Variants in MCTP1 observed in about 807,000 individuals in gnomAD.
The protein encoded by MCTP1 is multiple C2 and transmembrane domain-containing protein 1.
Under a neutral mutation model 120.6 loss-of-function variants are expected in MCTP1, and 69 were observed. The observed-to-expected ratio is 0.57, with a 90% CI of 0.47 to 0.70. The LOEUF is 0.70. MCTP1 is among the 30% of genes least tolerant of loss of function. The pLI, the probability that MCTP1 is intolerant of heterozygous loss-of-function variation, is 0.00. For synonymous variants in MCTP1, 529 were observed against 493.1 expected, an observed-to-expected ratio of 1.07 and a Z score of -0.96; for missense variants, 1,203 against 1,248.8, an observed-to-expected ratio of 0.96 and a Z score of 0.55.
intron 6 of MCTP1, among the ~76,000 whole-genome samples, chr5:94,928,901 C>T (rs945497112): frequency 6.6e-6 from 1 of 152,058 alleles, no homozygotes; most frequent in Non-Finnish European, 1.5e-5. Context: ...CTCAAGCTGG[C>T]GATTCTTCTT....
chr5:95,274,387 G>A (rs1486848893), intron 1 of MCTP1, among the ~76,000 whole-genome samples: 1 of 152,084 alleles, frequency 6.6e-6, no homozygotes, highest in East Asian at 1.9e-4. Context: ...ATCTGCAATG[G>A]AAAAGGGGTG....
chr5:95,028,783 C>G (rs1392084257), intron 1 of MCTP1, among the ~76,000 whole-genome samples: 1 of 152,142 alleles, frequency 6.6e-6, no homozygotes, highest in African/African-American at 2.4e-5. Flanking sequence ...TTAACTTCAG[C>G]CAAAAATACT....
At chr5:94,875,068 C>T (rs1273153293) in intron 12 of MCTP1, among the ~76,000 whole-genome samples, 1 of 152,038 alleles carries the variant, frequency 6.6e-6, no homozygotes, top group Non-Finnish European at 1.5e-5. Flanking sequence ...AAATCCCTGA[C>T]TTCATGGAGT....
At chr5:94,784,449 T>A (rs1379624805) in intron 18 of MCTP1, among the ~76,000 whole-genome samples, 3 of 152,074 alleles carry the variant, frequency 2.0e-5, no homozygotes, top group Admixed American at 6.5e-5. Flanking sequence ...TGTGGTAAGA[T>A]CTTTATAGGT....
chr5:95,127,205 T>G (rs77735921), intron 1 of MCTP1, among the ~76,000 whole-genome samples: 2 of 151,906 alleles, frequency 1.3e-5, no homozygotes, highest in African/African-American at 4.8e-5. Context: ...GCATTAGATC[T>G]AAAAAGTGGT....
At chr5:94,778,374 C>T (rs1775879514) in intron 19 of MCTP1, among the ~76,000 whole-genome samples, 1 of 152,080 alleles carries the variant, frequency 6.6e-6, no homozygotes, top group African/African-American at 2.4e-5. Context: ...AACAGCATCA[C>T]TATCCTCCTT....
At chr5:94,949,124 A>G (rs951572359) in intron 3 of MCTP1, among the ~76,000 whole-genome samples, 4 of 152,158 alleles carry the variant, frequency 2.6e-5, no homozygotes, top group Non-Finnish European at 4.4e-5. Flanking sequence ...CCAATCTCCA[A>G]TTCATGATTA....
chr5:94,813,048 C>A (rs1453772510), intron 17 of MCTP1, among the ~76,000 whole-genome samples: 3 of 152,024 alleles, frequency 2.0e-5, no homozygotes, highest in Admixed American at 2.0e-4. Context: ...AGATAAGCCA[C>A]ACATCGAGAG....
chr5:95,028,471 TA>T, intron 1 of MCTP1, among the ~76,000 whole-genome samples: 1 of 152,106 alleles, frequency 6.6e-6, no homozygotes, highest in Non-Finnish European at 1.5e-5. Flanking sequence ...TATTGCTGTT[TA>T]AAAAAGTATG....
intron 19 of MCTP1, among the ~76,000 whole-genome samples, chr5:94,767,939 T>G (rs2216601): frequency 0.044 from 6,749 of 152,216 alleles, 166 homozygotes; most frequent in Middle Eastern, 0.058. Flanking sequence ...AAGACCCTAA[T>G]AGCCAAAGCA....
chr5:94,891,121 G>A (rs1024446226), intron 11 of MCTP1, among the ~76,000 whole-genome samples: 7 of 151,644 alleles, frequency 4.6e-5, no homozygotes, highest in Non-Finnish European at 7.4e-5. Context: ...GAGGAAATGC[G>A]GATACATGAG....
At chr5:95,045,165 T>C (rs1842961507) in intron 1 of MCTP1, among the ~76,000 whole-genome samples, 1 of 152,154 alleles carries the variant, frequency 6.6e-6, no homozygotes, top group African/African-American at 2.4e-5. Context: ...TTTATACTTT[T>C]ATCTGGAAGC....
intron 1 of MCTP1, among the ~76,000 whole-genome samples, chr5:95,212,079 T>C (rs375094742): frequency 3.3e-5 from 5 of 151,512 alleles, no homozygotes; most frequent in Admixed American, 2.6e-4. Context: ...AATCCAGGAG[T>C]TGGTTTTTTG....
At chr5:94,820,509 T>C (rs1391126183) in intron 17 of MCTP1, among the ~76,000 whole-genome samples, 2 of 152,220 alleles carry the variant, frequency 1.3e-5, no homozygotes, top group East Asian at 3.8e-4. Context: ...TTTTGAGGTT[T>C]GTGAGAAAAA....
intron 17 of MCTP1, among the ~76,000 whole-genome samples, chr5:94,829,409 A>T (rs905340553): frequency 2.6e-5 from 4 of 152,228 alleles, no homozygotes; most frequent in African/African-American, 9.6e-5. Context: ...AGCTGTTCCT[A>T]TTCGGCCATC....
intron 11 of MCTP1, among the ~76,000 whole-genome samples, chr5:94,891,991 C>T (rs1275064227): frequency 1.3e-5 from 2 of 151,906 alleles, no homozygotes; most frequent in Non-Finnish European, 2.9e-5. Context: ...GGAGAGGAGT[C>T]CTCTTTATTT....
At chr5:94,720,956 T>G (rs958225429) in intron 19 of MCTP1, among the ~76,000 whole-genome samples, 3 of 152,214 alleles carry the variant, frequency 2.0e-5, no homozygotes, top group African/African-American at 7.2e-5. Flanking sequence ...AAGAGGAAAC[T>G]GAGGCTCAGG....
intron 22 of MCTP1, 134 bp downstream of exon 22, chr5:94,708,378 A>C (rs1755430412): frequency 1.1e-5 from 6 of 554,366 alleles, no homozygotes; most frequent in Non-Finnish European, 1.9e-5. Context: ...CTGACTGGTA[A>C]AATCTGCTAC....
At chr5:95,012,959 G>A (rs1836324126) in intron 2 of MCTP1, among the ~76,000 whole-genome samples, 1 of 152,126 alleles carries the variant, frequency 6.6e-6, no homozygotes, top group Admixed American at 6.6e-5. Flanking sequence ...GGAGAGACAG[G>A]CTGAAAGCTA....
Sources: gnomAD v4.1 joint callset for allele counts (sites outside exome capture counted in the v4.1 genomes callset) on GRCh38, gnomAD v4.1.1 for gene constraint, MANE v1.5 for transcripts, NCBI Gene and HGNC (gene_info 2026-07-23, HGNC 2026-07-21) for gene names.